Variants in UVRAG observed in about 807,000 individuals in gnomAD.
UVRAG encodes the protein UV radiation resistance associated.
Under a neutral mutation model 78.0 loss-of-function variants are expected in UVRAG, and 19 were observed. The observed-to-expected ratio is 0.24, with a 90% CI of 0.17 to 0.36. UVRAG has a LOEUF of 0.36. Ranked by LOEUF, UVRAG falls within the 10% of genes least tolerant of loss-of-function variation. The pLI is 1.00. For missense variants in UVRAG, 740 were observed against 853.8 expected (o/e 0.87, Z 1.66); for synonymous variants, 323 against 324.6 (o/e 1.00, Z 0.05).
At chr11:76,138,926 A>G (rs945226024) in intron 14 of UVRAG, among the ~76,000 whole-genome samples, 1 of 152,244 alleles carries the variant, frequency 6.6e-6, no homozygotes, top group African/African-American at 2.4e-5. Context: ...GCTTGCAAAA[A>G]TGTGTAGCTT....
chr11:76,104,322 C>T (rs553621023), intron 13 of UVRAG, among the ~76,000 whole-genome samples: 1 of 152,256 alleles, frequency 6.6e-6, no homozygotes, highest in African/African-American at 2.4e-5. Context: ...TAAGTGGTTA[C>T]GAGTTCAAAG....
At chr11:75,818,799 TAAAC>T (rs1050990386) in intron 1 of UVRAG, among the ~76,000 whole-genome samples, 11 of 152,124 alleles carry the variant, frequency 7.2e-5, no homozygotes, top group African/African-American at 2.4e-4. Flanking sequence ...TCTAAACAAA[TAAAC>T]AAGCCCGGTT....
chr11:75,950,963 TACACACAC>T (rs35864936), intron 6 of UVRAG, among the ~76,000 whole-genome samples: 142 of 140,050 alleles, frequency 1.0e-3, no homozygotes, highest in African/African-American at 2.8e-3. Context: ...TTGTCAGGTG[TACACACAC>T]ACACACACAC....
chr11:76,025,621 T>C (rs868644924), intron 12 of UVRAG, among the ~76,000 whole-genome samples: 11 of 152,310 alleles, frequency 7.2e-5, no homozygotes, highest in Non-Finnish European at 1.0e-4. Flanking sequence ...TGTGTACTTA[T>C]GTTTGTTCCT....
At chr11:75,896,272 C>A (rs551369060) in intron 5 of UVRAG, among the ~76,000 whole-genome samples, 4 of 151,916 alleles carry the variant, frequency 2.6e-5, no homozygotes, top group African/African-American at 9.7e-5. Flanking sequence ...TGGGTTTAAC[C>A]GCTATGATGG....
intron 6 of UVRAG, among the ~76,000 whole-genome samples, chr11:75,921,788 A>T (rs550813133): frequency 3.4e-4 from 52 of 152,106 alleles, no homozygotes; most frequent in Non-Finnish European, 6.2e-4. Context: ...AGATGAATTC[A>T]TTGTGCCAGC....
At chr11:75,857,985 G>A (rs1397810974) in intron 2 of UVRAG, among the ~76,000 whole-genome samples, 1 of 151,772 alleles carries the variant, frequency 6.6e-6, no homozygotes, top group East Asian at 1.9e-4. Flanking sequence ...TTTGATTATT[G>A]TATGTCTCTT....
intron 13 of UVRAG, among the ~76,000 whole-genome samples, chr11:76,078,918 G>T (rs1416132748): frequency 1.3e-5 from 2 of 151,764 alleles, no homozygotes. Context: ...TACAGAGCAA[G>T]ACTCTGTCTC....
intron 5 of UVRAG, among the ~76,000 whole-genome samples, chr11:75,889,384 A>C (rs1195598426): frequency 6.6e-6 from 1 of 152,248 alleles, no homozygotes; most frequent in East Asian, 1.9e-4. Flanking sequence ...GTACTGTGCC[A>C]GGTGATTCTT....
chr11:75,898,366 C>T (rs1298902443), intron 5 of UVRAG, among the ~76,000 whole-genome samples: 1 of 152,170 alleles, frequency 6.6e-6, no homozygotes, highest in East Asian at 1.9e-4. Context: ...GCTCCTGAAG[C>T]CCTTTTGACA....
chr11:75,978,498 G>T (rs1201361353), intron 7 of UVRAG, among the ~76,000 whole-genome samples: 2 of 152,118 alleles, frequency 1.3e-5, no homozygotes, highest in East Asian at 3.9e-4. Flanking sequence ...ATCACTTTCA[G>T]GTACACCAAT....
chr11:76,003,834 C>G (rs1050361443), intron 8 of UVRAG, among the ~76,000 whole-genome samples, 171 bp from the exon 9 acceptor site: 1 of 152,082 alleles, frequency 6.6e-6, no homozygotes, highest in Non-Finnish European at 1.5e-5. Flanking sequence ...AAAACTGGAC[C>G]AATAGGGAAG....
intron 14 of UVRAG, among the ~76,000 whole-genome samples, chr11:76,128,793 G>T (rs1314994291): frequency 6.6e-6 from 1 of 151,974 alleles, no homozygotes; most frequent in African/African-American, 2.4e-5. Context: ...GTGACCTTTG[G>T]GTTTAAGCTC....
intron 6 of UVRAG, among the ~76,000 whole-genome samples, chr11:75,938,914 A>G (rs1236591282): frequency 1.3e-5 from 2 of 152,128 alleles, no homozygotes; most frequent in African/African-American, 4.8e-5. Context: ...TTCTACACTC[A>G]GGTAGACCAC....
intron 13 of UVRAG, among the ~76,000 whole-genome samples, chr11:76,070,585 T>A (rs1482636167): frequency 1.3e-5 from 2 of 152,156 alleles, no homozygotes; most frequent in East Asian, 3.8e-4. Context: ...CAATATAAAA[T>A]TTTTTTAAAG....
At position 76,140,710 on chromosome 11, in the gene UVRAG, G is replaced by T; in HGVS notation, c.1398-1G>T. ...ACTTCTTGTTTTTGTTTCTCTTCTA[G>T]TGACAGACATCACACCTCCAGTGCA... On this transcript the variant is annotated splice_acceptor_variant, in intron 14 of 14. Coordinates refer to ENST00000356136, the MANE Select transcript of UVRAG (RefSeq NM_003369.4). LOFTEE classifies it high-confidence loss of function. 6.4e-7 allele frequency: 1 copy of T among 1,564,148 alleles called. No individual in the cohort carries two copies.
intron 6 of UVRAG, among the ~76,000 whole-genome samples, chr11:75,950,344 C>T (rs1347224921): frequency 1.3e-5 from 2 of 152,202 alleles, no homozygotes; most frequent in East Asian, 3.8e-4. Flanking sequence ...ACTGTAACCT[C>T]AAGCTCCTGA....
chr11:75,846,981 G>C (rs939663033), intron 1 of UVRAG, among the ~76,000 whole-genome samples: 1 of 151,944 alleles, frequency 6.6e-6, no homozygotes. Flanking sequence ...GTGCCACCAC[G>C]CCCGGCTAAT....
At chr11:75,949,692 CATATATATATAT>C (rs35234096) in intron 6 of UVRAG, among the ~76,000 whole-genome samples, 2 of 140,158 alleles carry the variant, frequency 1.4e-5, no homozygotes, top group South Asian at 2.3e-4. Context: ...CAATAAAATA[CATATATATATAT>C]ATATATATAT....
Sources: gnomAD v4.1 joint callset for allele counts (sites outside exome capture counted in the v4.1 genomes callset) on GRCh38, gnomAD v4.1.1 for gene constraint, MANE v1.5 for transcripts, NCBI Gene and HGNC (gene_info 2026-07-23, HGNC 2026-07-21) for gene names.